KIAA1958: variants seen among roughly 807,000 people sequenced by gnomAD.
The protein encoded by KIAA1958 is uncharacterized protein KIAA1958.
Under a neutral mutation model 47.2 loss-of-function variants are expected in KIAA1958, and 14 were observed. That is an observed-to-expected ratio of 0.30 (90% confidence interval 0.20 to 0.46). The LOEUF is 0.46. Among genes scored for constraint, KIAA1958 ranks in the 20% least tolerant of loss-of-function variants. The probability of loss-of-function intolerance (pLI) is 1.00; values close to 1 mark genes in which losing one functional copy is unlikely to be tolerated. For synonymous variants in KIAA1958, 354 were observed against 353.3 expected (o/e 1.00, Z -0.02); for missense variants, 803 against 909.2 (o/e 0.88, Z 1.50).
intron 2 of KIAA1958, among the ~76,000 whole-genome samples, chr9:112,599,347 A>C (rs1836089333): frequency 6.9e-6 from 1 of 145,774 alleles, no homozygotes; most frequent in South Asian, 2.3e-4. Context: ...GTTTATTCCT[A>C]AATTAGAAGA....
At chr9:112,513,020 T>TAG (rs1834347648) in intron 1 of KIAA1958, among the ~76,000 whole-genome samples, 1 of 144,964 alleles carries the variant, frequency 6.9e-6, no homozygotes. Context: ...TTTTTTTTTT[T>TAG]TTGAGATGGA....
intron 2 of KIAA1958, among the ~76,000 whole-genome samples, chr9:112,575,736 T>G (rs1835634436): frequency 6.6e-6 from 1 of 152,188 alleles, no homozygotes; most frequent in Non-Finnish European, 1.5e-5. Context: ...TTAATAAGTA[T>G]TTTAAAAAGC....
At chr9:112,564,266 CT>C (rs1835388507) in intron 1 of KIAA1958, among the ~76,000 whole-genome samples, 1 of 152,158 alleles carries the variant, frequency 6.6e-6, no homozygotes, top group South Asian at 2.1e-4. Flanking sequence ...CCTGAGCCTT[CT>C]TTTTGGAGAA....
intron 2 of KIAA1958, among the ~76,000 whole-genome samples, chr9:112,602,848 C>T (rs1252101804): frequency 1.3e-5 from 2 of 152,090 alleles, no homozygotes; most frequent in African/African-American, 4.8e-5. Flanking sequence ...TAATTTTATG[C>T]CACTCACTTT....
Position 112,661,799 on chromosome 9 carries a change from G to C in KIAA1958, c.*1730G>C, listed in dbSNP as rs1837282351. ...ATATTTAATCATCAGTGTATGACTT[G>C]ATATCACATAACGTTCTGGTGTGGT... On this transcript the variant is annotated 3_prime_UTR_variant, in exon 4 of 4. Transcript: ENST00000337530. 1 of 152,174 alleles carries C rather than the reference G, an allele frequency of 6.6e-6. No individual in the cohort carries two copies. The highest frequency in any genetic ancestry group is 2.4e-5 in the African/African-American group (1 of 41,428). The allele number at this position is 152,174 out of a possible 1,614,324, so 9.4% of individuals were successfully genotyped here.
intron 1 of KIAA1958, among the ~76,000 whole-genome samples, chr9:112,517,887 T>G (rs1456598018): frequency 6.6e-6 from 1 of 152,262 alleles, no homozygotes; most frequent in African/African-American, 2.4e-5. Context: ...TCTATTAGAA[T>G]GGCTAGAATT....
intron 2 of KIAA1958, among the ~76,000 whole-genome samples, chr9:112,585,776 T>C (rs1027275991): frequency 1.3e-4 from 20 of 152,216 alleles, no homozygotes; most frequent in Non-Finnish European, 2.8e-4. Context: ...CACACACATA[T>C]TCCCTGTCCA....
Position 112,660,109 on chromosome 9 carries a change from G to C in KIAA1958, c.*40G>C. The C allele has an allele frequency of 6.4e-7, 1 of 1,566,844 alleles. No homozygotes were observed. The highest frequency in any genetic ancestry group is 8.7e-7 in the Non-Finnish European group (1 of 1,149,488). ...CCGGCCACTGCCCTGTCACCTGCTC[G>C]GGCCAGCCAGGGTTGGAGCAGCTGG... On this transcript the variant is annotated 3_prime_UTR_variant, in exon 4 of 4. Coordinates refer to ENST00000337530, the MANE Select transcript of KIAA1958 (RefSeq NM_133465.4).
chr9:112,518,107 A>T (rs963360262), intron 1 of KIAA1958, among the ~76,000 whole-genome samples: 1 of 152,226 alleles, frequency 6.6e-6, no homozygotes, highest in African/African-American at 2.4e-5. Flanking sequence ...TGTCCCAGCT[A>T]CTTGGGAGGC....
Position 112,659,746 on chromosome 9 carries a change from A to T in KIAA1958, c.1828A>T (p.Thr610Ser), listed in dbSNP as rs1449221432. ...CAAGCGGGAGAGTCGGAGCGGCTCC[A>T]CCAGAGTGTGTCACGGGAAGATCTA... ...SVKRESRSGS[T>S]RVCHGKIYHE... Residue 610 changes from threonine (T) to serine (S), a missense_variant, in exon 4 of 4, where the codon ACC becomes TCC. Coordinates refer to ENST00000337530, the MANE Select transcript of KIAA1958 (RefSeq NM_133465.4). 6.2e-7 allele frequency: 1 copy of T among 1,614,190 alleles called. No individual in the cohort carries two copies.
intron 2 of KIAA1958, among the ~76,000 whole-genome samples, chr9:112,576,130 G>A (rs1404204730): frequency 1.3e-5 from 2 of 152,162 alleles, no homozygotes; most frequent in South Asian, 2.1e-4. Context: ...TGAGGCCCCT[G>A]TGCCTTCATC....
In KIAA1958 at chr9:112,513,612, A is replaced by AGCCGCC. The variant is rs1361204678; in HGVS notation, c.-25+26501_-25+26506dup. Among the ~76,000 whole-genome samples, 39 of 131,678 alleles carry AGCCGCC rather than the reference A, an allele frequency of 3.0e-4. 1 individual carries two copies. Among genetic ancestry groups the AGCCGCC allele is most frequent in the South Asian group, 5.2e-4 (2 of 3,864 alleles). The allele number at this position is 131,678 out of a possible 152,430, so 86.4% of individuals were successfully genotyped here. A position where few individuals can be genotyped will look rare whatever the true frequency, so the allele number is the denominator to read the frequency against. On this transcript the variant is annotated intron_variant, in intron 1 of 3. Transcript: ENST00000337530. ...CGGAGCCGCTGCCGCGACCGACCGC[A>AGCCGCC]GCCGCCGCCGCCCGACCGCCGGGAG... is the stretch of plus-strand genomic sequence containing the variant.
chr9:112,510,359 A>G (rs1275156135), intron 1 of KIAA1958, among the ~76,000 whole-genome samples: 1 of 152,218 alleles, frequency 6.6e-6, no homozygotes, highest in Non-Finnish European at 1.5e-5. Context: ...CTGCTTGAAA[A>G]GCGAAAGCAA....
chr9:112,497,868 A>G (rs1389892857), intron 1 of KIAA1958, among the ~76,000 whole-genome samples: 2 of 152,036 alleles, frequency 1.3e-5, no homozygotes, highest in Non-Finnish European at 2.9e-5. Context: ...CTCAGCATCT[A>G]TTGTCTTGCT....
intron 1 of KIAA1958, among the ~76,000 whole-genome samples, chr9:112,551,152 A>G (rs959629562): frequency 5.3e-5 from 8 of 151,904 alleles, no homozygotes; most frequent in Non-Finnish European, 1.0e-4. Context: ...TTTTAACTGT[A>G]CAGTTCAGTA....
At chr9:112,642,834 A>G (rs1836915297) in intron 2 of KIAA1958, among the ~76,000 whole-genome samples, 1 of 152,236 alleles carries the variant, frequency 6.6e-6, no homozygotes, top group Non-Finnish European at 1.5e-5. Context: ...TTTAATCCAT[A>G]AATATAATCA....
At chr9:112,498,555 G>GTT (rs75094000) in intron 1 of KIAA1958, among the ~76,000 whole-genome samples, 1 of 151,942 alleles carries the variant, frequency 6.6e-6, no homozygotes, top group Non-Finnish European at 1.5e-5. Flanking sequence ...TTCTTTTAAA[G>GTT]TTTTTTTATG....
At chr9:112,649,579 A>G (rs1475019608) in intron 3 of KIAA1958, among the ~76,000 whole-genome samples, 1 of 152,162 alleles carries the variant, frequency 6.6e-6, no homozygotes, top group Non-Finnish European at 1.5e-5. Context: ...TAACCAAATT[A>G]CTTAAAACCA....
chr9:112,493,751 GTT>G (rs1211534242), intron 1 of KIAA1958, among the ~76,000 whole-genome samples: 1 of 152,102 alleles, frequency 6.6e-6, no homozygotes, highest in Non-Finnish European at 1.5e-5. Flanking sequence ...ATTTAACACT[GTT>G]TATCTGTGGC....
Sources: gnomAD v4.1 joint callset for allele counts (sites outside exome capture counted in the v4.1 genomes callset) on GRCh38, gnomAD v4.1.1 for gene constraint, MANE v1.5 for transcripts, NCBI Gene and HGNC (gene_info 2026-07-23, HGNC 2026-07-21) for gene names.